The following PPFIBP1 variants were observed in gnomAD, a reference collection of about 807,000 sequenced individuals.
PPFIBP1 encodes the protein liprin-beta-1.
A neutral mutation model predicts 137.8 loss-of-function variants in PPFIBP1; 112 were observed. That is an observed-to-expected ratio of 0.81 (90% CI 0.70 to 0.95). PPFIBP1 has a LOEUF of 0.95. PPFIBP1 is among the 40% of genes least tolerant of loss of function. PPFIBP1 has a pLI of 0.00. For missense variants in PPFIBP1, 1,083 were observed against 1,196.6 expected (o/e 0.91, Z 1.40); for synonymous variants, 378 against 417.3 (o/e 0.91, Z 1.15).
At chr12:27,690,891 A>G (rs756143184) in intron 27 of PPFIBP1, among the ~76,000 whole-genome samples, 14 of 152,022 alleles carry the variant, frequency 9.2e-5, no homozygotes, top group Non-Finnish European at 1.5e-4. Flanking sequence ...CCAAATTCAG[A>G]TTACTTTTTC....
In PPFIBP1 at chr12:27,691,808, T is replaced by G. The variant is rs2061564475; in HGVS notation, c.2745T>G (p.Gly915=). 5.0e-6 allele frequency: 8 copies of G among 1,613,666 alleles called. No individual in the cohort carries two copies. The highest frequency in any genetic ancestry group is 6.8e-6 in the Non-Finnish European group (8 of 1,179,836). Residue 915 remains glycine, a synonymous_variant, in exon 28 of 30, where the codon GGT becomes GGG. Coordinates refer to ENST00000228425, the MANE Select transcript of PPFIBP1 (RefSeq NM_003622.4). The part of the protein sequence containing the change: ...GNLRKKKQED[G]EEYVCPMELG... ...TGAGAAAGAAGAAACAGGAAGATGG[T>G]GAAGAATATGTTTGTCCAATGGAAT...
At position 27,646,871 on chromosome 12, in the gene PPFIBP1, C is replaced by G. The variant is rs575716677; in HGVS notation, c.357+723C>G. Among the ~76,000 whole-genome samples the G allele has an allele frequency of 2.0e-5, 3 of 152,290 alleles. No individual in the cohort carries two copies. In the East Asian group the frequency reaches 5.8e-4, roughly 29 times the overall value. ...AAAACTCAAAGATCTGCTGTAAGCACTAGAGTTGAAGGACTAGCCCAACAG... is the reference window on the plus strand; with the variant it reads ...AAAACTCAAAGATCTGCTGTAAGCAGTAGAGTTGAAGGACTAGCCCAACAG... On this transcript the variant is annotated intron_variant, in intron 5 of 29. Transcript: ENST00000228425.
At chr12:27,641,443 G>A (rs1356568349) in intron 4 of PPFIBP1, among the ~76,000 whole-genome samples, 1 of 152,126 alleles carries the variant, frequency 6.6e-6, no homozygotes, top group African/African-American at 2.4e-5. Context: ...TAAAAACAGT[G>A]GGTGAGACTC....
At chr12:27,655,364 C>A in intron 8 of PPFIBP1, 1 of 628,854 alleles carries the variant, frequency 1.6e-6, no homozygotes, top group Non-Finnish European at 2.7e-6. Context: ...TTACAAATCA[C>A]CTCAAGCTGA....
intron 2 of PPFIBP1, among the ~76,000 whole-genome samples, chr12:27,631,403 C>T (rs145634296): frequency 1.6e-3 from 242 of 152,256 alleles, no homozygotes; most frequent in Admixed American, 5.0e-3. Context: ...AATTGGACCC[C>T]CTTATCCTAC....
At chr12:27,630,974 T>G (rs1277995842) in intron 2 of PPFIBP1, among the ~76,000 whole-genome samples, 1 of 152,166 alleles carries the variant, frequency 6.6e-6, no homozygotes, top group East Asian at 1.9e-4. Flanking sequence ...CGTGGCTGAG[T>G]CTGCAGGGTT....
chr12:27,524,649 C>T (rs1462853537), intron 1 of PPFIBP1, among the ~76,000 whole-genome samples: 1 of 152,074 alleles, frequency 6.6e-6, no homozygotes, highest in East Asian at 1.9e-4. Context: ...CCCGGTAATA[C>T]CTGAGAACCC....
At chr12:27,574,708 G>A (rs145818690) in intron 1 of PPFIBP1, among the ~76,000 whole-genome samples, 21 of 152,214 alleles carry the variant, frequency 1.4e-4, no homozygotes, top group South Asian at 1.0e-3. Context: ...TATTATCAAC[G>A]TAGCATAAAG....
intron 2 of PPFIBP1, among the ~76,000 whole-genome samples, chr12:27,626,255 T>C (rs755246687): frequency 6.6e-6 from 1 of 152,112 alleles, no homozygotes; most frequent in Non-Finnish European, 1.5e-5. Context: ...GTACCTATAG[T>C]GGTTGAGGTT....
intron 2 of PPFIBP1, among the ~76,000 whole-genome samples, chr12:27,617,118 A>G (rs1305419277): frequency 1.3e-5 from 2 of 152,196 alleles, no homozygotes; most frequent in Non-Finnish European, 2.9e-5. Flanking sequence ...GCAGGAATTG[A>G]AGCATCCTTA....
In PPFIBP1 at chr12:27,679,982, C is replaced by T; in HGVS notation, c.1816C>T (p.Pro606Ser). The change falls in exon 21 of 30, where the codon CCT becomes TCT. Residue 606 changes from proline (P) to serine (S), a missense_variant. Pro to Ser is a moderately conservative substitution (Grantham distance 74). Coordinates refer to ENST00000228425, the MANE Select transcript of PPFIBP1 (RefSeq NM_003622.4). ...ATTCAACCCAGATGACATGTCTGAG[C>T]CTGAATTCAAAAGAGGAGGGACAAG... is the stretch of plus-strand genomic sequence containing the variant. ...TTFNPDDMSE[P>S]EFKRGGTRAT... is the part of the protein sequence containing the mutation. The T allele has an allele frequency of 6.2e-7, 1 of 1,614,026 alleles. No homozygotes were observed. Among genetic ancestry groups the T allele is most frequent in the Non-Finnish European group, 8.5e-7 (1 of 1,179,986 alleles).
chr12:27,689,852 C>T (rs566563461), intron 27 of PPFIBP1, among the ~76,000 whole-genome samples: 6 of 152,284 alleles, frequency 3.9e-5, no homozygotes, highest in African/African-American at 1.4e-4. Context: ...ACGTACTGTA[C>T]CTGCGTTTCT....
At chr12:27,534,435 A>G (rs894047475) in intron 1 of PPFIBP1, among the ~76,000 whole-genome samples, 98 of 152,314 alleles carry the variant, frequency 6.4e-4, no homozygotes, top group African/African-American at 2.2e-3. Flanking sequence ...TCTGGGGATT[A>G]TTGTCATGGA....
At chr12:27,688,847 A>C (rs767608830) in intron 26 of PPFIBP1, among the ~76,000 whole-genome samples, 168 bp from the exon 27 acceptor site, 9 of 152,208 alleles carry the variant, frequency 5.9e-5, no homozygotes, top group Non-Finnish European at 1.3e-4. Flanking sequence ...AAATGGAGAA[A>C]AGATATGTAA....
chr12:27,654,561 GTTCTTAAGGAGGTACATTTAT>G, intron 7 of PPFIBP1, 140 bp from the exon 8 acceptor site: 5 of 870,576 alleles, frequency 5.7e-6, no homozygotes, highest in Non-Finnish European at 8.0e-6. Context: ...AGATGCCTTC[GTTCTTAAGGAGGTACATTTAT>G]TTCCATTTGT....
chr12:27,612,181 A>G (rs1168844703), intron 2 of PPFIBP1, among the ~76,000 whole-genome samples: 1 of 152,108 alleles, frequency 6.6e-6, no homozygotes, highest in Non-Finnish European at 1.5e-5. Flanking sequence ...TCAGAGGTAC[A>G]GGTTCTTGAA....
At chr12:27,541,893 C>T (rs941628978) in intron 1 of PPFIBP1, among the ~76,000 whole-genome samples, 2 of 152,072 alleles carry the variant, frequency 1.3e-5, no homozygotes, top group Admixed American at 6.5e-5. Flanking sequence ...ATTGTGTTTT[C>T]TGGTCGTAGT....
At position 27,682,657 on chromosome 12, in the gene PPFIBP1, T is replaced by C. The variant is rs1411333480; in HGVS notation, c.2201T>C (p.Phe734Ser). The change falls in exon 24 of 30, where the codon TTT (phenylalanine) becomes TCT (serine). Residue 734 changes from phenylalanine to serine, a missense_variant. Phe to Ser is a radical substitution (Grantham distance 155). Transcript: ENST00000228425. The stretch of plus-strand genomic sequence containing the variant: ...GGCCTCCCTCAATATAAGACCCAGT[T>C]TGATGAAGGACGGGTTGATGGTCGA... ...DIGLPQYKTQ[F>S]DEGRVDGRML... 1 of 1,614,192 alleles carries C rather than the reference T, an allele frequency of 6.2e-7. No homozygotes were observed. The highest frequency in any genetic ancestry group is 8.5e-7 in the Non-Finnish European group (1 of 1,180,018).
chr12:27,637,967 C>T (rs1156445346), intron 4 of PPFIBP1, among the ~76,000 whole-genome samples: 4 of 152,132 alleles, frequency 2.6e-5, no homozygotes, highest in Non-Finnish European at 5.9e-5. Flanking sequence ...CTTCCTCTCT[C>T]CCTTCTTTCC....
Sources: gnomAD v4.1 joint callset for allele counts (sites outside exome capture counted in the v4.1 genomes callset) on GRCh38, gnomAD v4.1.1 for gene constraint, MANE v1.5 for transcripts, NCBI Gene and HGNC (gene_info 2026-07-23, HGNC 2026-07-21) for gene names.